CAMK2B: variants seen among roughly 807,000 people sequenced by gnomAD.
CAMK2B encodes the protein calcium/calmodulin dependent protein kinase II beta, also known as calcium/calmodulin-dependent protein kinase type II subunit beta.
In CAMK2B, 27 loss-of-function variants were observed where a neutral mutation model predicts 93.7. The observed-to-expected ratio is 0.29, with a 90% CI of 0.21 to 0.40. The LOEUF (loss-of-function observed/expected upper bound fraction) is 0.40, where lower values mean the gene tolerates loss of function less well. Among genes scored for constraint, CAMK2B ranks in the 10% least tolerant of loss-of-function variants. The probability of loss-of-function intolerance (pLI) is 1.00; values close to 1 mark genes in which losing one functional copy is unlikely to be tolerated. For synonymous variants in CAMK2B, 374 were observed against 358.8 expected (o/e 1.04, Z -0.48); for missense variants, 568 against 895.8 (o/e 0.63, Z 4.67).
chr7:44,306,100 T>C (rs1369588509), intron 1 of CAMK2B, among the ~76,000 whole-genome samples: 2 of 151,884 alleles, frequency 1.3e-5, no homozygotes, highest in East Asian at 2.0e-4. Context: ...AGAAACCACC[T>C]AGGGGCTGAA....
In CAMK2B at chr7:44,323,122, G is replaced by A. The variant is rs377078949; in HGVS notation, c.65+2235C>T. Among the ~76,000 whole-genome samples, 24 of 152,292 alleles carry A rather than the reference G, an allele frequency of 1.6e-4. No homozygotes were observed. In the East Asian group the frequency reaches 2.7e-3, roughly 17 times the overall value. On this transcript the variant is annotated intron_variant, in intron 1 of 23. Transcript: ENST00000395749. ...GGCACGGCTGCACCCCCGAGGAATC[G>A]GTCCCTTCCCTACCCAAGAGCCGCC...
intron 1 of CAMK2B, among the ~76,000 whole-genome samples, chr7:44,300,227 G>A (rs1789576916): frequency 6.6e-6 from 1 of 151,962 alleles, no homozygotes; most frequent in Non-Finnish European, 1.5e-5. Flanking sequence ...GTAGAGATGG[G>A]GTCTTGGTAT....
At chr7:44,314,345 A>G (rs182305742) in intron 1 of CAMK2B, among the ~76,000 whole-genome samples, 44 of 152,286 alleles carry the variant, frequency 2.9e-4, no homozygotes, top group African/African-American at 9.6e-4. Context: ...CCTTTTCTGG[A>G]CATTTCATAA....
In CAMK2B at chr7:44,271,798, C is replaced by T. The variant is rs114460504; in HGVS notation, c.161-8734G>A. 2.9e-3 allele frequency among the ~76,000 whole-genome samples: 443 copies of T among 152,320 alleles called. 2 individuals are homozygous for T. Among genetic ancestry groups the T allele is most frequent in the African/African-American group, 0.01 (423 of 41,572 alleles). ...GCCCATCCAGTCTCAGGGTGCAGGCCGGTTTAGGGGCTGAAAGGAGGCCAT... is the reference window on the plus strand; with the variant it reads ...GCCCATCCAGTCTCAGGGTGCAGGCTGGTTTAGGGGCTGAAAGGAGGCCAT... On this transcript the variant is annotated intron_variant, in intron 2 of 23. Coordinates refer to ENST00000395749, the MANE Select transcript of CAMK2B (RefSeq NM_001220.5). The surrounding 1 kb of genome is among the most constrained non-coding windows in gnomAD (Gnocchi z 4.2).
chr7:44,325,289 G>C, intron 1 of CAMK2B, 68 bp downstream of exon 1: 1 of 917,286 alleles, frequency 1.1e-6, no homozygotes, highest in Non-Finnish European at 1.3e-6. Flanking sequence ...AGCCGGCGGC[G>C]CGGAGGGTCC....
At chr7:44,283,689 C>T (rs1784330015) in intron 2 of CAMK2B, among the ~76,000 whole-genome samples, 1 of 152,260 alleles carries the variant, frequency 6.6e-6, no homozygotes, top group South Asian at 2.1e-4. Flanking sequence ...AACTTTGTCA[C>T]TGAGCTCTCA....
intron 1 of CAMK2B, among the ~76,000 whole-genome samples, chr7:44,298,499 A>G (rs1394370131): frequency 6.6e-6 from 1 of 152,352 alleles, no homozygotes; most frequent in Middle Eastern, 3.4e-3. Flanking sequence ...CTTGGATATG[A>G]CACCAAAAGT....
At chr7:44,263,605 C>A (rs879367962) in intron 2 of CAMK2B, among the ~76,000 whole-genome samples, 3 of 151,964 alleles carry the variant, frequency 2.0e-5, no homozygotes, top group Admixed American at 6.5e-5. Flanking sequence ...CTCCTCCCAC[C>A]CCACAAGGTG....
chr7:44,254,039 G>A (rs1276372702), intron 5 of CAMK2B, among the ~76,000 whole-genome samples: 1 of 152,162 alleles, frequency 6.6e-6, no homozygotes, highest in Non-Finnish European at 1.5e-5. Context: ...TCAGGTGTCA[G>A]GGTGGCATCT....
chr7:44,284,315 C>T lies in CAMK2B; in HGVS notation c.66-90G>A, dbSNP rs905001335. The T allele has an allele frequency of 7.5e-6, 7 of 929,690 alleles. No homozygotes were observed. The African/African-American group carries it at 1.2e-4, about 15-fold the overall frequency. The allele number at this position is 929,690 out of a possible 1,614,324, so 57.6% of individuals were successfully genotyped here. The stretch of plus-strand genomic sequence containing the variant: ...CGATTAATCTCCCCATAAACACTCC[C>T]CATTAAGCATTCAGCCACCGGCCCG... On this transcript the variant is annotated intron_variant, in intron 1 of 23. Coordinates refer to ENST00000395749, the MANE Select transcript of CAMK2B (RefSeq NM_001220.5).
At chr7:44,316,610 T>A (rs188610542) in intron 1 of CAMK2B, among the ~76,000 whole-genome samples, 17 of 152,340 alleles carry the variant, frequency 1.1e-4, no homozygotes, top group Non-Finnish European at 1.5e-5. Flanking sequence ...TCTTTAAATG[T>A]TTGGTAGGAT....
intron 5 of CAMK2B, among the ~76,000 whole-genome samples, chr7:44,249,047 T>C (rs942994204): frequency 6.6e-6 from 1 of 152,186 alleles, no homozygotes; most frequent in Non-Finnish European, 1.5e-5. Flanking sequence ...AGAGACTTCC[T>C]GGCCTCTCTT....
At chr7:44,299,253 G>C (rs758979221) in intron 1 of CAMK2B, among the ~76,000 whole-genome samples, 1 of 152,182 alleles carries the variant, frequency 6.6e-6, no homozygotes, top group Non-Finnish European at 1.5e-5. Flanking sequence ...CATATCTTGA[G>C]GACATTACGC....
At chr7:44,259,848 C>T (rs1464145716) in intron 3 of CAMK2B, among the ~76,000 whole-genome samples, 1 of 152,216 alleles carries the variant, frequency 6.6e-6, no homozygotes, top group East Asian at 1.9e-4. Flanking sequence ...CGACGACAGC[C>T]AACACGCTAG....
rs188905039 is a variant in CAMK2B at position 44,310,486 on chromosome 7, G to A, written c.65+14871C>T. Among the ~76,000 whole-genome samples the A allele has an allele frequency of 4.3e-4, 65 of 152,272 alleles. 1 individual carries two copies. The highest frequency in any genetic ancestry group is 1.5e-3 in the African/African-American group (61 of 41,544). ...GCTATGTCATGCGCGGTGGGAGGGG[G>A]CCATGTATCATGTCCTTTAAAAATG... On this transcript the variant is annotated intron_variant, in intron 1 of 23. Coordinates refer to ENST00000395749, the MANE Select transcript of CAMK2B (RefSeq NM_001220.5).
rs1213394515 is a variant in CAMK2B at position 44,248,048 on chromosome 7, G to A, written c.342-856C>T. 3.3e-5 allele frequency among the ~76,000 whole-genome samples: 5 copies of A among 152,272 alleles called. No homozygotes were observed. In the East Asian group the frequency reaches 9.7e-4, roughly 29 times the overall value. ...CATCTCAAAAAGAAAAAAATAAAAA[G>A]TGAAACCCAAGCTGCCACATTGGCT... is the stretch of plus-strand genomic sequence containing the variant. On this transcript the variant is annotated intron_variant, in intron 5 of 23. Coordinates refer to ENST00000395749, the MANE Select transcript of CAMK2B (RefSeq NM_001220.5). The surrounding 1 kb of genome is among the most constrained non-coding windows in gnomAD (Gnocchi z 4.1).
intron 2 of CAMK2B, among the ~76,000 whole-genome samples, chr7:44,283,491 G>T (rs915181883): frequency 6.6e-6 from 1 of 152,198 alleles, no homozygotes; most frequent in African/African-American, 2.4e-5. Flanking sequence ...ACCACTCAAG[G>T]CCCTTCCTCG....
intron 1 of CAMK2B, among the ~76,000 whole-genome samples, chr7:44,297,688 T>A (rs1788657471): frequency 6.6e-6 from 1 of 152,048 alleles, no homozygotes; most frequent in Non-Finnish European, 1.5e-5. Flanking sequence ...GAAATCCCTA[T>A]CAAAATTCCA....
At chr7:44,294,337 A>G (rs1413353718) in intron 1 of CAMK2B, among the ~76,000 whole-genome samples, 2 of 152,176 alleles carry the variant, frequency 1.3e-5, no homozygotes, top group African/African-American at 4.8e-5. Context: ...CAGAGGTGGC[A>G]CACACAGGTA....
Sources: gnomAD v4.1 joint callset for allele counts (sites outside exome capture counted in the v4.1 genomes callset) on GRCh38, gnomAD v4.1.1 for gene constraint, Gnocchi (gnomAD v3.1) non-coding constraint, MANE v1.5 for transcripts, NCBI Gene and HGNC (gene_info 2026-07-23, HGNC 2026-07-21) for gene names.